The following SEC63 variants were observed in gnomAD, a reference collection of about 807,000 sequenced individuals.
The protein encoded by SEC63 is SEC63 protein translocation regulator, also known as translocation protein SEC63 homolog.
In SEC63, 56 loss-of-function variants were observed where a neutral mutation model predicts 116.2. That is an observed-to-expected ratio of 0.48 (90% CI 0.39 to 0.60). SEC63 has a LOEUF of 0.60. SEC63 is among the 20% of genes least tolerant of loss of function. The probability of loss-of-function intolerance (pLI) is 0.00; values close to 1 mark genes in which losing one functional copy is unlikely to be tolerated. For missense variants in SEC63, 668 were observed against 900.0 expected, an observed-to-expected ratio of 0.74 and a Z score of 3.30; for synonymous variants, 273 against 294.6, an observed-to-expected ratio of 0.93 and a Z score of 0.75.
chr6:107,931,072 G>A (rs984935678), intron 1 of SEC63, among the ~76,000 whole-genome samples: 2 of 151,112 alleles, frequency 1.3e-5, no homozygotes, highest in Admixed American at 6.6e-5. Flanking sequence ...GCTCACACCT[G>A]TAATCCCAGC....
At chr6:107,917,890 C>T (rs995995969) in intron 4 of SEC63, among the ~76,000 whole-genome samples, 1 of 152,164 alleles carries the variant, frequency 6.6e-6, no homozygotes, top group East Asian at 1.9e-4. Context: ...AGCAAGTTAT[C>T]CAGAAGATCT....
At position 107,867,873 on chromosome 6, in the gene SEC63, T is replaced by C. The variant is rs1786031643; in HGVS notation, c.*3831A>G. On this transcript the variant is annotated 3_prime_UTR_variant, in exon 21 of 21. Coordinates refer to ENST00000369002, the MANE Select transcript of SEC63 (RefSeq NM_007214.5). ...TTAAAAGGATGAGATTAAATACAAA[T>C]AATCATCTTAATACTTCCTCAATGG... 1 of 152,132 alleles carries C rather than the reference T, an allele frequency of 6.6e-6. No individual in the cohort carries two copies. Among genetic ancestry groups the C allele is most frequent in the Non-Finnish European group, 1.5e-5 (1 of 68,022 alleles). The allele number at this position is 152,132 out of a possible 1,614,324, so 9.4% of individuals were successfully genotyped here. A position where few individuals can be genotyped will look rare whatever the true frequency, so the allele number is the denominator to read the frequency against.
At chr6:107,935,493 C>G (rs934824931) in intron 1 of SEC63, among the ~76,000 whole-genome samples, 1 of 149,618 alleles carries the variant, frequency 6.7e-6, no homozygotes, top group African/African-American at 2.5e-5. Flanking sequence ...GACCTTACCC[C>G]CAACCCTGTG....
At chr6:107,944,641 G>C (rs1240767969) in intron 1 of SEC63, among the ~76,000 whole-genome samples, 5 of 151,970 alleles carry the variant, frequency 3.3e-5, no homozygotes, top group African/African-American at 4.8e-5. Context: ...CGGTTGCAGT[G>C]AGCCGCGATC....
At chr6:107,899,730 AAAG>A (rs1274426755) in intron 13 of SEC63, among the ~76,000 whole-genome samples, 70 of 151,974 alleles carry the variant, frequency 4.6e-4, no homozygotes, top group African/African-American at 1.7e-3. Context: ...AAAAAAAAGA[AAAG>A]AAAAGAAAAG....
intron 12 of SEC63, 54 bp downstream of exon 12, chr6:107,902,790 T>C (rs1562322255): frequency 1.9e-6 from 3 of 1,549,366 alleles, no homozygotes; most frequent in African/African-American, 2.7e-5. Flanking sequence ...TCATGTTACC[T>C]TTAAGTGACA....
At chr6:107,908,862 A>G (rs1454096654) in intron 8 of SEC63, 65 bp downstream of exon 8, 6 of 844,236 alleles carry the variant, frequency 7.1e-6, no homozygotes, top group African/African-American at 1.7e-5. Context: ...TAAGGAATAT[A>G]TATCAACCCC....
At chr6:107,919,679 G>A (rs188244247) in intron 4 of SEC63, among the ~76,000 whole-genome samples, 6 of 151,902 alleles carry the variant, frequency 3.9e-5, no homozygotes, top group East Asian at 1.9e-4. Context: ...AAAATTAGCC[G>A]GGCATGTTGG....
At chr6:107,894,412 G>A (rs1786766222) in intron 14 of SEC63, among the ~76,000 whole-genome samples, 2 of 152,192 alleles carry the variant, frequency 1.3e-5, no homozygotes, top group Middle Eastern at 3.4e-3. Flanking sequence ...GGTGGCTCAT[G>A]CCTATAATCT....
chr6:107,957,828 G>A, intron 1 of SEC63, 58 bp downstream of exon 1: 10 of 1,523,290 alleles, frequency 6.6e-6, no homozygotes, highest in African/African-American at 1.4e-5. Context: ...GCGCCGCAGG[G>A]CCTGGGGGCG....
intron 2 of SEC63, among the ~76,000 whole-genome samples, chr6:107,925,236 AAAAT>A (rs1340777850): frequency 6.6e-6 from 1 of 152,246 alleles, no homozygotes; most frequent in Non-Finnish European, 1.5e-5. Flanking sequence ...AAATTAGATC[AAAAT>A]AAATAAATAC....
rs79023402 is a variant in SEC63, at chr6:107,950,658, G to A, written c.124+7228C>T. On this transcript the variant is annotated intron_variant, in intron 1 of 20. Transcript: ENST00000369002. ...AGTAACCAATACAGATGAGTATACT[G>A]AAACACACGGAAGTTAAATAACTTG... 2.5e-3 allele frequency among the ~76,000 whole-genome samples: 374 copies of A among 152,294 alleles called. 5 individuals are homozygous for A. Among genetic ancestry groups the A allele is most frequent in the East Asian group, 6.2e-3 (32 of 5,192 alleles).
At chr6:107,938,474 G>A (rs1279494650) in intron 1 of SEC63, among the ~76,000 whole-genome samples, 1 of 151,690 alleles carries the variant, frequency 6.6e-6, no homozygotes, top group Non-Finnish European at 1.5e-5. Context: ...CAAACTCCTG[G>A]GCTCAAGCAA....
At position 107,883,190 on chromosome 6, in the gene SEC63, A is replaced by G. The variant is rs554790960; in HGVS notation, c.1675-44T>C. On this transcript the variant is annotated intron_variant, in intron 16 of 20. Transcript: ENST00000369002. ...CACAAAGATTCTGCATATCTCAATG[A>G]GAACATATCAATCTGAATCCCTGAA... is the stretch of plus-strand genomic sequence containing the variant. The G allele has an allele frequency of 1.2e-4, 186 of 1,606,236 alleles. 1 individual carries two copies. In the Admixed American group the frequency reaches 1.4e-3, roughly 12 times the overall value.
chr6:107,913,478 C>T, intron 4 of SEC63, 51 bp from the exon 5 acceptor site: 1 of 1,301,418 alleles, frequency 7.7e-7, no homozygotes, highest in Non-Finnish European at 1.1e-6. Context: ...ATCTGAAAAA[C>T]AAGTACTCAT....
At chr6:107,920,274 AC>A (rs1289434179) in intron 4 of SEC63, among the ~76,000 whole-genome samples, 9 of 151,868 alleles carry the variant, frequency 5.9e-5, no homozygotes, top group South Asian at 2.1e-4. Context: ...ATACAAAAAA[AC>A]ATTAGCCGGG....
chr6:107,890,050 G>C (rs944588876), intron 16 of SEC63, among the ~76,000 whole-genome samples: 1 of 152,152 alleles, frequency 6.6e-6, no homozygotes, highest in African/African-American at 2.4e-5. Context: ...AGAAGAATGT[G>C]TATTCTGTCG....
chr6:107,923,762 C>T (rs1401337702), intron 3 of SEC63, among the ~76,000 whole-genome samples: 1 of 151,372 alleles, frequency 6.6e-6, no homozygotes, highest in Admixed American at 6.6e-5. Context: ...TCAAGCGATC[C>T]TCCCACCTTA....
chr6:107,931,225 C>A (rs905253598), intron 1 of SEC63, among the ~76,000 whole-genome samples: 3 of 151,552 alleles, frequency 2.0e-5, no homozygotes, highest in African/African-American at 7.3e-5. Flanking sequence ...GCCTGTAATC[C>A]CAGTTACTCA....
Sources: allele counts gnomAD v4.1 joint callset (sites outside exome capture counted in the v4.1 genomes callset), GRCh38; gene constraint gnomAD v4.1.1; transcripts MANE v1.5; gene names NCBI Gene and HGNC (gene_info 2026-07-23, HGNC 2026-07-21).